The following RIMS2 variants were observed in gnomAD, a reference collection of about 807,000 sequenced individuals.
RIMS2 encodes the protein regulating synaptic membrane exocytosis 2, also known as regulating synaptic membrane exocytosis protein 2.
RIMS2 carries 59 observed loss-of-function variants against 174.4 expected under a neutral mutation model. That is an observed-to-expected ratio of 0.34 (90% CI 0.27 to 0.42). The LOEUF (loss-of-function observed/expected upper bound fraction) is 0.42, where lower values mean the gene tolerates loss of function less well. Among genes scored for constraint, RIMS2 ranks in the 10% least tolerant of loss-of-function variants. The probability of loss-of-function intolerance (pLI) is 1.00; values close to 1 mark genes in which losing one functional copy is unlikely to be tolerated. For synonymous variants in RIMS2, 606 were observed against 572.5 expected (o/e 1.06, Z -0.84); for missense variants, 1,620 against 1,666.3 (o/e 0.97, Z 0.48).
At chr8:103,656,975 G>C (rs1356289497) in intron 1 of RIMS2, among the ~76,000 whole-genome samples, 1 of 152,136 alleles carries the variant, frequency 6.6e-6, no homozygotes, top group African/African-American at 2.4e-5. Context: ...AGCTGGGGGA[G>C]GGGAAAGTAA....
intron 12 of RIMS2, among the ~76,000 whole-genome samples, chr8:103,934,053 ACT>A (rs901524442): frequency 7.9e-5 from 12 of 151,772 alleles, no homozygotes; most frequent in African/African-American, 2.9e-4. Flanking sequence ...CTTGTTTTAT[ACT>A]CTTTTTTTGT....
At chr8:103,885,343 C>A in exon 4 of RIMS2, 1 of 1,610,632 alleles carries the variant, frequency 6.2e-7, no homozygotes, top group Non-Finnish European at 8.5e-7. Flanking sequence ...GAAGATACGA[C>A]CAAAGGGAAG....
chr8:103,767,494 A>G (rs550862131), intron 3 of RIMS2, among the ~76,000 whole-genome samples: 2 of 152,114 alleles, frequency 1.3e-5, no homozygotes, highest in Admixed American at 6.5e-5. Flanking sequence ...CTATTTTTCT[A>G]TACCTTATTT....
At chr8:103,913,138 A>ATT (rs535649216) in intron 6 of RIMS2, among the ~76,000 whole-genome samples, 9 of 131,392 alleles carry the variant, frequency 6.8e-5, no homozygotes, top group African/African-American at 2.4e-4. Flanking sequence ...ATACCCAGCT[A>ATT]TTTTTTTTTT....
intron 6 of RIMS2, among the ~76,000 whole-genome samples, chr8:103,912,429 A>C (rs1394559008): frequency 6.6e-6 from 1 of 152,152 alleles, no homozygotes; most frequent in African/African-American, 2.4e-5. Context: ...ATCTACTTGA[A>C]TCTTAAATAC....
At chr8:103,798,124 A>T (rs1165879654) in intron 3 of RIMS2, among the ~76,000 whole-genome samples, 1 of 152,196 alleles carries the variant, frequency 6.6e-6, no homozygotes, top group African/African-American at 2.4e-5. Context: ...ATAACAGTTT[A>T]TATGGAGAAA....
intron 19 of RIMS2, among the ~76,000 whole-genome samples, chr8:104,158,935 A>G (rs1247768436): frequency 6.6e-6 from 1 of 152,142 alleles, no homozygotes; most frequent in African/African-American, 2.4e-5. Flanking sequence ...TTTTGTTGCC[A>G]TTGCTTTTAG....
At chr8:103,913,615 T>C (rs1305427788) in intron 6 of RIMS2, among the ~76,000 whole-genome samples, 1 of 152,144 alleles carries the variant, frequency 6.6e-6, no homozygotes, top group African/African-American at 2.4e-5. Context: ...TTTAATCAGC[T>C]CATAGTTCTG....
intron 12 of RIMS2, among the ~76,000 whole-genome samples, chr8:103,932,869 C>T (rs2080279064): frequency 6.6e-6 from 1 of 152,216 alleles, no homozygotes; most frequent in Non-Finnish European, 1.5e-5. Context: ...GTGACCCTAT[C>T]TCTATGGCCG....
chr8:103,577,947 A>G (rs1256644290), intron 1 of RIMS2, among the ~76,000 whole-genome samples: 1 of 152,206 alleles, frequency 6.6e-6, no homozygotes, highest in Non-Finnish European at 1.5e-5. Context: ...AAAAAATTTA[A>G]AAGGAATGAA....
chr8:103,969,077 A>C (rs1257974415), intron 15 of RIMS2, among the ~76,000 whole-genome samples: 1 of 151,958 alleles, frequency 6.6e-6, no homozygotes, highest in African/African-American at 2.4e-5. Context: ...CTCATATGTA[A>C]TTCTTATCTT....
chr8:104,003,065 A>T (rs1241667507), intron 17 of RIMS2, among the ~76,000 whole-genome samples: 4 of 152,078 alleles, frequency 2.6e-5, no homozygotes, highest in Non-Finnish European at 4.4e-5. Flanking sequence ...AATAAATATA[A>T]CCTTTTTTAA....
rs568373411 is a variant in RIMS2, at chr8:104,040,300, G to A, written c.3334+25685G>A. Among the ~76,000 whole-genome samples, 4 of 151,696 alleles carry A rather than the reference G, an allele frequency of 2.6e-5. No homozygotes were observed. The East Asian group carries it at 7.7e-4, about 29-fold the overall frequency. The stretch of plus-strand genomic sequence containing the variant: ...TAGAATTTGTAGTATCTGATTCAAA[G>A]CTAAGTGTTTAAATTAAAATAGGAG... On this transcript the variant is annotated intron_variant, in intron 19 of 23. Transcript: ENST00000504942.
At chr8:103,754,558 G>T (rs921771317) in intron 2 of RIMS2, among the ~76,000 whole-genome samples, 4 of 152,126 alleles carry the variant, frequency 2.6e-5, no homozygotes, top group Non-Finnish European at 4.4e-5. Flanking sequence ...TATTGTGTGG[G>T]AGTCTAAGTC....
chr8:104,236,999 A>G (rs1004107821), intron 19 of RIMS2, among the ~76,000 whole-genome samples: 1 of 152,144 alleles, frequency 6.6e-6, no homozygotes, highest in Non-Finnish European at 1.5e-5. Flanking sequence ...ATCTTTGGCA[A>G]TTTTCCTGTA....
chr8:103,536,879 T>C (rs1187264594), intron 1 of RIMS2, among the ~76,000 whole-genome samples: 1 of 152,200 alleles, frequency 6.6e-6, no homozygotes, highest in African/African-American at 2.4e-5. Context: ...TAATGTCTAT[T>C]TTTGGATTGT....
intron 2 of RIMS2, among the ~76,000 whole-genome samples, chr8:103,709,711 C>G (rs1332648999): frequency 1.3e-5 from 2 of 151,642 alleles, no homozygotes; most frequent in East Asian, 3.9e-4. Context: ...GTATTTTTCT[C>G]ATATGTATGT....
At chr8:103,859,352 C>T (rs1045158900) in intron 3 of RIMS2, among the ~76,000 whole-genome samples, 1 of 152,122 alleles carries the variant, frequency 6.6e-6, no homozygotes, top group African/African-American at 2.4e-5. Context: ...TTTCTTCTCC[C>T]TTTTCCACCA....
At chr8:103,734,723 T>C (rs1022981954) in intron 2 of RIMS2, among the ~76,000 whole-genome samples, 46 of 152,094 alleles carry the variant, frequency 3.0e-4, no homozygotes, top group African/African-American at 1.1e-3. Context: ...GTCTAGCATG[T>C]CTGAAGCGTT....
Sources: gnomAD v4.1 joint callset for allele counts (sites outside exome capture counted in the v4.1 genomes callset) on GRCh38, gnomAD v4.1.1 for gene constraint, MANE v1.5 for transcripts, NCBI Gene and HGNC (gene_info 2026-07-23, HGNC 2026-07-21) for gene names.